CLIC5: variants seen among roughly 807,000 people sequenced by gnomAD.
The protein encoded by CLIC5 is CLIC family member 5.
In CLIC5, 20 loss-of-function variants were observed where a neutral mutation model predicts 24.7. The ratio of observed to expected loss-of-function variants is 0.81; its 90% CI spans 0.57 to 1.18. The LOEUF is 1.18. CLIC5 is among the 50% of genes most tolerant of loss of function. The pLI, the probability that CLIC5 is intolerant of heterozygous loss-of-function variation, is 0.00. For missense variants in CLIC5, 341 were observed against 326.1 expected, an observed-to-expected ratio of 1.05 and a Z score of -0.35; for synonymous variants, 159 against 135.6, an observed-to-expected ratio of 1.17 and a Z score of -1.20.
At chr6:46,069,272 C>A (rs1203486016) in intron 1 of CLIC5, among the ~76,000 whole-genome samples, 1 of 152,096 alleles carries the variant, frequency 6.6e-6, no homozygotes, top group East Asian at 1.9e-4. Flanking sequence ...TAGGGAGCTA[C>A]TGCATAACTA....
intron 1 of CLIC5, among the ~76,000 whole-genome samples, chr6:45,988,787 C>T (rs74924442): frequency 0.021 from 3,225 of 152,288 alleles, 118 homozygotes; most frequent in African/African-American, 0.071. Context: ...TGGTGCTGGC[C>T]CAGCCAATAG....
the CLIC5 span, among the ~76,000 whole-genome samples, chr6:46,088,161 CTGTG>C: frequency 2.8e-3 from 412 of 146,412 alleles, 3 homozygotes; most frequent in East Asian, 7.9e-3. Flanking sequence ...CGCTCTCTTT[CTGTG>C]TGTGTGTGTG....
chr6:46,124,113 C>T, the CLIC5 span, among the ~76,000 whole-genome samples: 1 of 152,096 alleles, frequency 6.6e-6, no homozygotes, highest in Non-Finnish European at 1.5e-5. Context: ...AAAAAAGAGC[C>T]CACATTGCCA....
intron 1 of CLIC5, among the ~76,000 whole-genome samples, chr6:46,002,942 G>A (rs137897599): frequency 4.6e-5 from 7 of 152,308 alleles, no homozygotes; most frequent in Non-Finnish European, 8.8e-5. Context: ...CTGATTTAGC[G>A]CAGCAATTTC....
intron 1 of CLIC5, among the ~76,000 whole-genome samples, chr6:46,053,662 C>A (rs1380006664): frequency 6.6e-6 from 1 of 152,204 alleles, no homozygotes; most frequent in Admixed American, 6.5e-5. Flanking sequence ...AAACACCAGG[C>A]AATGCTTTAT....
chr6:46,125,433 G>T, the CLIC5 span, among the ~76,000 whole-genome samples: 2 of 152,126 alleles, frequency 1.3e-5, no homozygotes. Flanking sequence ...TTGTGGGGTG[G>T]GAGGAGAGGG....
chr6:46,049,939 G>C (rs1430696796), intron 1 of CLIC5, among the ~76,000 whole-genome samples: 1 of 152,192 alleles, frequency 6.6e-6, no homozygotes, highest in East Asian at 1.9e-4. Flanking sequence ...TGCAAGAGGA[G>C]AATTAGGGAC....
chr6:45,903,034 C>A lies in CLIC5; in HGVS notation c.*54G>T. 6.3e-7 allele frequency: 1 copy of A among 1,599,094 alleles called. No homozygotes were observed. The highest frequency in any genetic ancestry group is 8.6e-7 in the Non-Finnish European group (1 of 1,168,424). On this transcript the variant is annotated 3_prime_UTR_variant, in exon 6 of 6. Transcript: ENST00000339561. The stretch of plus-strand genomic sequence containing the variant: ...ACAGAGGAGTCTATGAAGCTGGAGT[C>A]TTAGGGGAGTGGTTGAGTCCTTCTG...
chr6:45,886,406 C>T (rs913435468), intron 6 of CLIC5, among the ~76,000 whole-genome samples: 1 of 152,190 alleles, frequency 6.6e-6, no homozygotes, highest in Non-Finnish European at 1.5e-5. Context: ...CCGCCTAAGT[C>T]ACACCTGTGC....
chr6:46,090,927 A>G, the CLIC5 span, among the ~76,000 whole-genome samples: 22 of 152,296 alleles, frequency 1.4e-4, no homozygotes, highest in African/African-American at 5.3e-4. Context: ...CAACTCTTCA[A>G]ACTTGTGATC....
intron 1 of CLIC5, among the ~76,000 whole-genome samples, chr6:46,044,602 C>T (rs1767904738): frequency 6.6e-6 from 1 of 152,006 alleles, no homozygotes; most frequent in African/African-American, 2.4e-5. Context: ...GAGAGCAGAC[C>T]CGCTTGACAG....
intron 6 of CLIC5, chr6:45,892,250 G>T (rs186344013): frequency 9.5e-4 from 144 of 152,244 alleles, no homozygotes; most frequent in African/African-American, 3.2e-3. Flanking sequence ...TAAGAAAATA[G>T]ATATGGTACA....
intron 1 of CLIC5, among the ~76,000 whole-genome samples, chr6:46,048,567 T>C (rs888528233): frequency 6.6e-6 from 1 of 152,104 alleles, no homozygotes; most frequent in Non-Finnish European, 1.5e-5. Context: ...AAACTCACCT[T>C]GGCTGCTGCT....
the CLIC5 span, among the ~76,000 whole-genome samples, chr6:46,092,016 C>G: frequency 6.6e-6 from 1 of 152,182 alleles, no homozygotes; most frequent in Admixed American, 6.5e-5. Flanking sequence ...CTCACCAACA[C>G]TTGTTATCTT....
intron 5 of CLIC5, among the ~76,000 whole-genome samples, chr6:45,903,540 AAT>A (rs1038974411): frequency 2.1e-4 from 32 of 152,224 alleles, no homozygotes; most frequent in African/African-American, 6.5e-4. Flanking sequence ...TTACCTACAC[AAT>A]TATGATCCCA....
At chr6:46,000,223 A>G (rs1427978085) in intron 1 of CLIC5, among the ~76,000 whole-genome samples, 3 of 152,220 alleles carry the variant, frequency 2.0e-5, no homozygotes, top group Non-Finnish European at 2.9e-5. Flanking sequence ...AAAGTTACAC[A>G]TGGATTTTCA....
chr6:45,975,971 C>A (rs1359026642), intron 1 of CLIC5, among the ~76,000 whole-genome samples: 6 of 152,086 alleles, frequency 3.9e-5, no homozygotes, highest in Non-Finnish European at 7.3e-5. Context: ...GGAAAAAAAA[C>A]CACCAGACTG....
intron 6 of CLIC5, among the ~76,000 whole-genome samples, chr6:45,892,460 G>A (rs532041148): frequency 6.6e-6 from 1 of 152,276 alleles, no homozygotes; most frequent in South Asian, 2.1e-4. Context: ...TGGCTTTTTG[G>A]GCTCAGTAGT....
intron 1 of CLIC5, among the ~76,000 whole-genome samples, chr6:45,963,038 A>G (rs1214456899): frequency 6.6e-6 from 1 of 152,168 alleles, no homozygotes; most frequent in East Asian, 1.9e-4. Context: ...TTCTACTCCT[A>G]CATGGCTTCT....
Sources: gnomAD v4.1 joint callset for allele counts (sites outside exome capture counted in the v4.1 genomes callset) on GRCh38, gnomAD v4.1.1 for gene constraint, MANE v1.5 for transcripts, NCBI Gene and HGNC (gene_info 2026-07-23, HGNC 2026-07-21) for gene names.